Variants in CSMD3 observed in about 807,000 individuals in gnomAD.
The protein encoded by CSMD3 is CUB and Sushi multiple domains 3, also known as CUB and sushi domain-containing protein 3.
A neutral mutation model predicts 435.2 loss-of-function variants in CSMD3; 177 were observed. The observed-to-expected ratio is 0.41, with a 90% CI of 0.36 to 0.46. The LOEUF (loss-of-function observed/expected upper bound fraction) is 0.46. Ranked by LOEUF, CSMD3 falls within the 20% of genes least tolerant of loss-of-function variation. The probability of loss-of-function intolerance (pLI) is 0.34; values close to 1 mark genes in which losing one functional copy is unlikely to be tolerated. For missense variants in CSMD3, 4,265 were observed against 4,504.6 expected (o/e 0.95, Z 1.52); for synonymous variants, 1,656 against 1,520.5 (o/e 1.09, Z -2.07).
intron 1 of CSMD3, among the ~76,000 whole-genome samples, chr8:113,404,691 T>C (rs1371251095): frequency 1.3e-5 from 2 of 151,402 alleles, no homozygotes; most frequent in African/African-American, 4.8e-5. Flanking sequence ...CCATTTATAC[T>C]ATATGTACAC....
At chr8:112,551,764 A>C (rs1010908036) in intron 26 of CSMD3, among the ~76,000 whole-genome samples, 1 of 152,146 alleles carries the variant, frequency 6.6e-6, no homozygotes, top group African/African-American at 2.4e-5. Flanking sequence ...AATGCATAGT[A>C]GTATACCACC....
At chr8:113,426,186 C>A (rs1281648890) in intron 1 of CSMD3, among the ~76,000 whole-genome samples, 1 of 151,288 alleles carries the variant, frequency 6.6e-6, no homozygotes, top group African/African-American at 2.4e-5. Flanking sequence ...GCAGGTAGCT[C>A]AGCATAAATT....
At chr8:112,529,799 AT>A (rs1441315921) in intron 27 of CSMD3, among the ~76,000 whole-genome samples, 1 of 152,194 alleles carries the variant, frequency 6.6e-6, no homozygotes, top group Non-Finnish European at 1.5e-5. Context: ...TCAGAAAAAA[AT>A]AATTCAAACA....
chr8:112,640,243 A>G (rs1448703259), intron 20 of CSMD3, among the ~76,000 whole-genome samples: 1 of 152,132 alleles, frequency 6.6e-6, no homozygotes, highest in African/African-American at 2.4e-5. Flanking sequence ...GAGCCATCTG[A>G]AATAAAAAAT....
At chr8:113,414,386 A>G (rs2094572361) in intron 1 of CSMD3, among the ~76,000 whole-genome samples, 2 of 152,144 alleles carry the variant, frequency 1.3e-5, no homozygotes, top group Admixed American at 6.5e-5. Flanking sequence ...AAGTGTTCAC[A>G]TCACTTCTAG....
chr8:112,916,839 T>C (rs1312676325), intron 10 of CSMD3, among the ~76,000 whole-genome samples: 1 of 151,992 alleles, frequency 6.6e-6, no homozygotes, highest in Non-Finnish European at 1.5e-5. Context: ...TTATAGCAGC[T>C]ACTGTATGTA....
rs2079809100 is a variant in CSMD3, at chr8:112,829,779, A to G, written c.1766T>C (p.Ile589Thr). 1 of 1,601,614 alleles carries G rather than the reference A, an allele frequency of 6.2e-7. No homozygotes were observed. Among genetic ancestry groups the G allele is most frequent in the South Asian group, 1.1e-5 (1 of 90,814 alleles). The change falls in exon 12 of 71, where the codon ATA (isoleucine) becomes ACA (threonine). Residue 589 changes from isoleucine (I) to threonine (T), a missense_variant. By Grantham distance (89) the Ile-to-Thr change is moderately conservative. Around this residue, in one of 3 missense-constraint regions of CSMD3, gnomAD observed 731 missense variants for 755.4 expected, o/e 0.97. Coordinates refer to ENST00000297405, the MANE Select transcript of CSMD3 (RefSeq NM_198123.2). ...TAVNTNKVIQ[I>T]NFEEFDLEIG... The stretch of plus-strand genomic sequence containing the variant: ...CTCCAGATCAAATTCTTCAAAATTT[A>G]TCTGGATAACCTAGCAGTAAACAGA...
At chr8:112,344,492 T>C (rs992868327) in intron 41 of CSMD3, among the ~76,000 whole-genome samples, 2 of 152,172 alleles carry the variant, frequency 1.3e-5, no homozygotes, top group African/African-American at 4.8e-5. Context: ...AATATGCATT[T>C]ATACTCTGAG....
chr8:113,127,509 C>T (rs913707079), intron 4 of CSMD3, among the ~76,000 whole-genome samples: 6 of 151,922 alleles, frequency 3.9e-5, no homozygotes, highest in African/African-American at 1.2e-4. Context: ...CCTACTTTCC[C>T]TCACCCCATT....
At chr8:113,008,784 A>C (rs148455841) in intron 6 of CSMD3, among the ~76,000 whole-genome samples, 77 of 151,478 alleles carry the variant, frequency 5.1e-4, no homozygotes, top group African/African-American at 1.8e-3. Context: ...TTTTATGAGA[A>C]AGCAATAATT....
chr8:112,545,493 A>AT lies in CSMD3; in HGVS notation c.4564+5177_4564+5178insA, dbSNP rs1397748108. On this transcript the variant is annotated intron_variant, in intron 27 of 70. Transcript: ENST00000297405. Reference sequence around the variant, plus strand: ...GCGAGACTCCATCTCAAAAAAAAAAAAAAAAAAAAATAATAATAATAATAA... The same window carrying AT: ...GCGAGACTCCATCTCAAAAAAAAAAATAAAAAAAAAATAATAATAATAATAA... 1.4e-3 allele frequency among the ~76,000 whole-genome samples: 195 copies of AT among 143,376 alleles called. 2 individuals carry two copies. The highest frequency in any genetic ancestry group is 4.8e-3 in the African/African-American group (186 of 38,520). The allele number at this position is 143,376 out of a possible 152,430, so 94.1% of individuals were successfully genotyped here. A position where few individuals can be genotyped will look rare whatever the true frequency, so the allele number is the denominator to read the frequency against.
intron 7 of CSMD3, among the ~76,000 whole-genome samples, chr8:112,970,810 C>T (rs558872939): frequency 2.0e-5 from 3 of 151,804 alleles, no homozygotes; most frequent in South Asian, 2.1e-4. Context: ...CAAGCTCTGC[C>T]TCCTGGGTTC....
Position 112,289,256 on chromosome 8 carries a change from G to C in CSMD3, c.9148+109C>G, listed in dbSNP as rs955432925. 17 of 955,628 alleles carry C rather than the reference G, an allele frequency of 1.8e-5. No homozygotes were observed. In the East Asian group the frequency reaches 3.8e-4, roughly 22 times the overall value. The allele number at this position is 955,628 out of a possible 1,614,324, so 59.2% of individuals were successfully genotyped here. On this transcript the variant is annotated intron_variant, in intron 57 of 70. Transcript: ENST00000297405. ...TCAGCTTTTCTTATGAGATTTTTCAGAGAGAAATATATTTTAAGTCTTTAG... is the reference window on the plus strand; with the variant it reads ...TCAGCTTTTCTTATGAGATTTTTCACAGAGAAATATATTTTAAGTCTTTAG...
rs1284671530 is a variant in CSMD3, at chr8:112,503,913, G to T, written c.4960C>A (p.Leu1654Met). The change falls in exon 30 of 71, where the codon CTG becomes ATG. Residue 1654 changes from leucine (L) to methionine (M), a missense_variant. Coordinates refer to ENST00000297405, the MANE Select transcript of CSMD3 (RefSeq NM_198123.2). ...TTGCTGTCTTGAAAACTTCCAATCAGTGGGCTATTACTGTCTGGTCCATCA... is the reference window on the plus strand; with the variant it reads ...TTGCTGTCTTGAAAACTTCCAATCATTGGGCTATTACTGTCTGGTCCATCA... ...IYDGPDSNSP[L>M]IGSFQDSKLP... The T allele has an allele frequency of 6.2e-7, 1 of 1,611,930 alleles. No homozygotes were observed. Among genetic ancestry groups the T allele is most frequent in the African/African-American group, 1.3e-5 (1 of 74,680 alleles).
intron 27 of CSMD3, among the ~76,000 whole-genome samples, chr8:112,536,452 C>G (rs934929010): frequency 2.4e-4 from 36 of 152,218 alleles, no homozygotes; most frequent in African/African-American, 8.4e-4. Flanking sequence ...CAGAGAAATG[C>G]AAATCAAAAC....
rs2432734 is a variant in CSMD3 at position 112,840,039 on chromosome 8, A to T, written c.1756-10250T>A. Among the ~76,000 whole-genome samples the T allele has an allele frequency of 3.6e-3, 541 of 151,796 alleles. 17 individuals are homozygous for T. The East Asian group carries it at 0.073, about 20-fold the overall frequency. ...TTGAGTAGTGAATCTTTATCAGTTT[A>T]TATCTGTGGAAGGCCCGGTTTACTT... On this transcript the variant is annotated intron_variant, in intron 11 of 70. Transcript: ENST00000297405.
intron 59 of CSMD3, among the ~76,000 whole-genome samples, chr8:112,266,262 C>G (rs1251351341): frequency 6.6e-6 from 1 of 152,160 alleles, no homozygotes; most frequent in Non-Finnish European, 1.5e-5. Context: ...GACAATAGTG[C>G]AATGTGAACC....
chr8:113,410,951 A>G (rs149313951), intron 1 of CSMD3, among the ~76,000 whole-genome samples: 4 of 143,462 alleles, frequency 2.8e-5, no homozygotes, highest in Admixed American at 2.2e-4. Context: ...GAAAGAAAGA[A>G]AGAGAAGGGA....
chr8:112,281,949 T>C (rs1818692094), intron 58 of CSMD3, among the ~76,000 whole-genome samples: 1 of 152,122 alleles, frequency 6.6e-6, no homozygotes, highest in Non-Finnish European at 1.5e-5. Flanking sequence ...CAATATATTC[T>C]AAATAAAAGT....
Sources: allele counts gnomAD v4.1 joint callset (sites outside exome capture counted in the v4.1 genomes callset), GRCh38; gene constraint gnomAD v4.1.1; regional missense constraint gnomAD v4.1.1; transcripts MANE v1.5; gene names NCBI Gene and HGNC (gene_info 2026-07-23, HGNC 2026-07-21).